TASP1: variants seen among roughly 807,000 people sequenced by gnomAD.
TASP1 encodes taspase 1, also known as threonine aspartase 1.
TASP1 carries 16 observed loss-of-function variants against 56.6 expected under a neutral mutation model. The ratio of observed to expected loss-of-function variants is 0.28; its 90% CI spans 0.19 to 0.43. The LOEUF is 0.43. Among genes scored for constraint, TASP1 ranks in the 20% least tolerant of loss-of-function variants. The pLI, the probability that TASP1 is intolerant of heterozygous loss-of-function variation, is 1.00. For synonymous variants in TASP1, 179 were observed against 184.2 expected (o/e 0.97, Z 0.23); for missense variants, 393 against 511.6 (o/e 0.77, Z 2.24).
At chr20:13,255,240 T>A in the TASP1 span, among the ~76,000 whole-genome samples, 1 of 152,216 alleles carries the variant, frequency 6.6e-6, no homozygotes, top group Admixed American at 6.5e-5. Flanking sequence ...GATGGCAACC[T>A]GGACTAGGAC....
the TASP1 span, among the ~76,000 whole-genome samples, chr20:13,371,523 T>C: frequency 6.6e-6 from 1 of 152,214 alleles, no homozygotes. Flanking sequence ...GTATATTGTA[T>C]GATTTCAATC....
At chr20:13,199,108 G>T in the TASP1 span, among the ~76,000 whole-genome samples, 1 of 150,718 alleles carries the variant, frequency 6.6e-6, no homozygotes, top group South Asian at 2.1e-4. Flanking sequence ...TTGCTCCATT[G>T]CCCAGGCTGG....
At chr20:13,126,620 G>T in the TASP1 span, 1 of 1,613,650 alleles carries the variant, frequency 6.2e-7, no homozygotes, top group Admixed American at 1.7e-5. Flanking sequence ...GGGTTCACTC[G>T]CATAGTGCTG....
At chr20:13,626,867 A>G (rs180732773) in intron 2 of TASP1, among the ~76,000 whole-genome samples, 1 of 151,846 alleles carries the variant, frequency 6.6e-6, no homozygotes, top group Non-Finnish European at 1.5e-5. Flanking sequence ...CTTAACATGT[A>G]AATCCTTTTG....
the TASP1 span, among the ~76,000 whole-genome samples, chr20:13,338,100 G>T: frequency 6.6e-6 from 1 of 152,158 alleles, no homozygotes; most frequent in African/African-American, 2.4e-5. Flanking sequence ...AGGCAGAGCA[G>T]CCCTTAGGGT....
the TASP1 span, among the ~76,000 whole-genome samples, chr20:13,359,364 A>T: frequency 6.6e-6 from 1 of 151,630 alleles, no homozygotes; most frequent in Non-Finnish European, 1.5e-5. Flanking sequence ...AGCCACTCCC[A>T]GAGCCCCTGG....
the TASP1 span, among the ~76,000 whole-genome samples, chr20:13,170,859 G>A: frequency 7.9e-5 from 12 of 152,136 alleles, no homozygotes; most frequent in Non-Finnish European, 1.6e-4. Flanking sequence ...AATGTGTGGG[G>A]TTTTTTCCCA....
At chr20:13,600,489 C>CA (rs2047915191) in intron 4 of TASP1, 1 of 152,030 alleles carries the variant, frequency 6.6e-6, no homozygotes, top group Non-Finnish European at 1.5e-5. Context: ...GAAAGAATAA[C>CA]ATTTTCAAGA....
chr20:13,270,679 T>C, the TASP1 span: 1 of 1,613,962 alleles, frequency 6.2e-7, no homozygotes, highest in South Asian at 1.1e-5. Flanking sequence ...TCCTTTCTCC[T>C]TGATCTACCA....
the TASP1 span, among the ~76,000 whole-genome samples, chr20:13,225,551 C>G: frequency 6.6e-6 from 1 of 152,032 alleles, no homozygotes; most frequent in Admixed American, 6.6e-5. Context: ...GACTGTCTCC[C>G]CTAGTATGCC....
At chr20:13,580,814 C>G in intron 6 of TASP1, 83 bp downstream of exon 6, 2 of 1,354,852 alleles carry the variant, frequency 1.5e-6, no homozygotes, top group Non-Finnish European at 2.1e-6. Flanking sequence ...GGCATGCTAC[C>G]TGGTATGTAA....
chr20:13,337,922 T>G, the TASP1 span, among the ~76,000 whole-genome samples: 2 of 152,200 alleles, frequency 1.3e-5, no homozygotes, highest in Non-Finnish European at 1.5e-5. Context: ...GATGATGGCT[T>G]CTACTGCATT....
chr20:13,166,972 G>T, the TASP1 span: 2 of 152,106 alleles, frequency 1.3e-5, no homozygotes, highest in Non-Finnish European at 2.9e-5. Context: ...AGAGTACAGG[G>T]GCAATTTATT....
chr20:13,234,261 G>A, the TASP1 span, among the ~76,000 whole-genome samples: 3 of 152,094 alleles, frequency 2.0e-5, no homozygotes, highest in Non-Finnish European at 2.9e-5. Flanking sequence ...AATGGCCTCC[G>A]GTACCAGCCA....
At chr20:13,270,711 G>A in the TASP1 span, 22 of 1,613,794 alleles carry the variant, frequency 1.4e-5, 1 homozygote, top group East Asian at 4.9e-4. Context: ...TCTTTCCAAA[G>A]CTGATATCAA....
At chr20:13,467,265 A>C (rs2044297933) in intron 11 of TASP1, among the ~76,000 whole-genome samples, 1 of 151,870 alleles carries the variant, frequency 6.6e-6, no homozygotes, top group African/African-American at 2.4e-5. Context: ...TAACTGTCAA[A>C]TATTGCAACC....
At chr20:13,550,773 G>A (rs1056953960) in intron 8 of TASP1, among the ~76,000 whole-genome samples, 4 of 152,100 alleles carry the variant, frequency 2.6e-5, no homozygotes, top group East Asian at 1.9e-4. Context: ...TTATATTTAT[G>A]GAATCTAGAT....
intron 11 of TASP1, among the ~76,000 whole-genome samples, chr20:13,440,946 G>A (rs2043192058): frequency 6.6e-6 from 1 of 152,056 alleles, no homozygotes; most frequent in Admixed American, 6.6e-5. Flanking sequence ...ACTGTGTGCT[G>A]GAAACCTCCA....
At chr20:13,222,921 A>G in the TASP1 span, among the ~76,000 whole-genome samples, 1 of 152,142 alleles carries the variant, frequency 6.6e-6, no homozygotes, top group African/African-American at 2.4e-5. Context: ...CCAGCACTTT[A>G]GCAGGCAGAG....
Sources: gnomAD v4.1 joint callset for allele counts (sites outside exome capture counted in the v4.1 genomes callset) on GRCh38, gnomAD v4.1.1 for gene constraint, MANE v1.5 for transcripts, NCBI Gene and HGNC (gene_info 2026-07-23, HGNC 2026-07-21) for gene names.